SGCZ: variants seen among roughly 807,000 people sequenced by gnomAD.
The protein encoded by SGCZ is zeta-sarcoglycan.
A neutral mutation model predicts 41.3 loss-of-function variants in SGCZ; 40 were observed. The observed-to-expected ratio is 0.97, with a 90% CI of 0.75 to 1.26. The LOEUF (loss-of-function observed/expected upper bound fraction) is 1.26, where lower values mean the gene tolerates loss of function less well. Ranked by LOEUF, SGCZ falls within the 50% of genes most tolerant of loss-of-function variation. The probability of loss-of-function intolerance (pLI) is 0.00; values close to 1 mark genes in which losing one functional copy is unlikely to be tolerated. For synonymous variants in SGCZ, 206 were observed against 137.5 expected (o/e 1.50, Z -3.49); for missense variants, 552 against 369.8 (o/e 1.49, Z -4.04).
chr8:14,408,736 CTT>C (rs1398976396), intron 2 of SGCZ, among the ~76,000 whole-genome samples: 1 of 152,018 alleles, frequency 6.6e-6, no homozygotes, highest in African/African-American at 2.4e-5. Flanking sequence ...CTTCTGTACT[CTT>C]TTATTATCCT....
At chr8:14,397,818 T>C (rs571838565) in intron 2 of SGCZ, among the ~76,000 whole-genome samples, 1 of 152,214 alleles carries the variant, frequency 6.6e-6, no homozygotes, top group South Asian at 2.1e-4. Context: ...TCGAAGGTCT[T>C]CCACAAGGTG....
In SGCZ at chr8:14,368,833, C is replaced by A. The variant is rs549983093; in HGVS notation, c.235-44629G>T. 2.0e-5 allele frequency among the ~76,000 whole-genome samples: 3 copies of A among 150,962 alleles called. No individual in the cohort carries two copies. In the South Asian group the frequency reaches 6.3e-4, roughly 31 times the overall value. On this transcript the variant is annotated intron_variant, in intron 2 of 7. Transcript: ENST00000382080. ...AAAAACATCTGGTATACAATTGCAG[C>A]AAAAAAAAGTTACATATACTTGTTG...
At chr8:14,327,241 AAGACTTAC>A (rs1802153940) in intron 2 of SGCZ, among the ~76,000 whole-genome samples, 2 of 152,188 alleles carry the variant, frequency 1.3e-5, no homozygotes, top group South Asian at 4.1e-4. Context: ...CAGGCATGAT[AAGACTTAC>A]AGAACACCCC....
chr8:14,348,715 G>C (rs909237979), intron 2 of SGCZ, among the ~76,000 whole-genome samples: 2 of 152,088 alleles, frequency 1.3e-5, no homozygotes, highest in African/African-American at 4.8e-5. Context: ...TTCAAAAGCT[G>C]ATTTGGTGTA....
intron 2 of SGCZ, among the ~76,000 whole-genome samples, chr8:14,418,358 A>G (rs1433911437): frequency 6.6e-6 from 1 of 151,888 alleles, no homozygotes; most frequent in Non-Finnish European, 1.5e-5. Context: ...TAGTTTTAAG[A>G]ATTCACTTAT....
intron 2 of SGCZ, among the ~76,000 whole-genome samples, chr8:14,434,338 A>G (rs1487032061): frequency 6.6e-6 from 1 of 152,166 alleles, no homozygotes; most frequent in Non-Finnish European, 1.5e-5. Flanking sequence ...GCCTATGTTT[A>G]TACTAGCACT....
At chr8:14,710,312 G>T (rs560337138) in intron 1 of SGCZ, among the ~76,000 whole-genome samples, 1 of 146,284 alleles carries the variant, frequency 6.8e-6, no homozygotes, top group East Asian at 2.0e-4. Context: ...AGAGCTTGCA[G>T]TGAGCGGAGA....
intron 2 of SGCZ, among the ~76,000 whole-genome samples, chr8:14,460,824 C>G (rs1329847329): frequency 6.6e-6 from 1 of 152,070 alleles, no homozygotes; most frequent in African/African-American, 2.4e-5. Context: ...AATTTAGATA[C>G]TTGTTTGAGA....
intron 1 of SGCZ, among the ~76,000 whole-genome samples, chr8:14,953,633 C>T (rs1203229706): frequency 6.2e-5 from 9 of 144,300 alleles, no homozygotes; most frequent in African/African-American, 2.3e-4. Context: ...TTCTCCGGTT[C>T]ATTTCACCAC....
intron 2 of SGCZ, among the ~76,000 whole-genome samples, chr8:14,499,888 T>G (rs189024660): frequency 3.3e-5 from 5 of 152,188 alleles, no homozygotes; most frequent in African/African-American, 1.2e-4. Context: ...CACATAAATA[T>G]TTATCAAGGG....
intron 1 of SGCZ, among the ~76,000 whole-genome samples, chr8:14,868,584 A>C (rs904035236): frequency 1.3e-5 from 2 of 152,170 alleles, no homozygotes; most frequent in Admixed American, 6.6e-5. Context: ...ATTGAATTTC[A>C]ATCTGAAATT....
intron 2 of SGCZ, among the ~76,000 whole-genome samples, chr8:14,335,847 A>C (rs1185925941): frequency 6.6e-6 from 1 of 152,148 alleles, no homozygotes; most frequent in African/African-American, 2.4e-5. Context: ...ATCAGGTTAT[A>C]AGCTTATTGC....
At chr8:15,155,638 A>T (rs1345823925) in intron 1 of SGCZ, among the ~76,000 whole-genome samples, 1 of 152,210 alleles carries the variant, frequency 6.6e-6, no homozygotes, top group Non-Finnish European at 1.5e-5. Flanking sequence ...TTCTCTGCAG[A>T]CATAAAAATG....
intron 1 of SGCZ, among the ~76,000 whole-genome samples, chr8:14,682,176 T>A (rs1318208683): frequency 2.6e-5 from 4 of 152,050 alleles, no homozygotes; most frequent in African/African-American, 9.7e-5. Flanking sequence ...ATCAATTTGT[T>A]CGACTAAAGA....
At chr8:14,812,017 G>A (rs1053434848) in intron 1 of SGCZ, among the ~76,000 whole-genome samples, 12 of 152,048 alleles carry the variant, frequency 7.9e-5, no homozygotes, top group Admixed American at 7.2e-4. Context: ...GGATGAGTAT[G>A]GAAAGGGATT....
chr8:14,287,447 A>G (rs1447400647), intron 3 of SGCZ, among the ~76,000 whole-genome samples: 3 of 151,760 alleles, frequency 2.0e-5, no homozygotes, highest in African/African-American at 7.3e-5. Context: ...TCTGGTGGAA[A>G]AAAAGTGGCC....
intron 2 of SGCZ, among the ~76,000 whole-genome samples, chr8:14,440,955 A>C (rs1218528680): frequency 6.6e-6 from 1 of 152,020 alleles, no homozygotes; most frequent in Admixed American, 6.6e-5. Context: ...AGTCATGGAG[A>C]CTTTATGAAG....
intron 2 of SGCZ, among the ~76,000 whole-genome samples, chr8:14,522,523 T>G (rs1451969409): frequency 6.6e-6 from 1 of 151,964 alleles, no homozygotes; most frequent in Non-Finnish European, 1.5e-5. Flanking sequence ...TTGCTTCTAT[T>G]ATTTCCTTTT....
At chr8:14,770,461 C>G (rs1800197437) in intron 1 of SGCZ, among the ~76,000 whole-genome samples, 1 of 151,560 alleles carries the variant, frequency 6.6e-6, no homozygotes, top group Non-Finnish European at 1.5e-5. Flanking sequence ...GGGAGGTAAA[C>G]TCATGTATGA....
Sources: gnomAD v4.1 joint callset for allele counts (sites outside exome capture counted in the v4.1 genomes callset) on GRCh38, gnomAD v4.1.1 for gene constraint, MANE v1.5 for transcripts, NCBI Gene and HGNC (gene_info 2026-07-23, HGNC 2026-07-21) for gene names.